Variants in SYDE2 observed in about 807,000 individuals in gnomAD.
SYDE2 encodes the protein rho GTPase-activating protein SYDE2.
In SYDE2, 76 loss-of-function variants were observed where a neutral mutation model predicts 91.5. The observed-to-expected ratio is 0.83, with a 90% CI of 0.69 to 1.01. SYDE2 has a LOEUF of 1.01. SYDE2 is among the 50% of genes least tolerant of loss of function. SYDE2 has a pLI of 0.00. For synonymous variants in SYDE2, 513 were observed against 506.4 expected (o/e 1.01, Z -0.18); for missense variants, 1,364 against 1,367.7 (o/e 1.00, Z 0.04).
At position 85,164,592 on chromosome 1, in the gene SYDE2, G is replaced by A. The variant is rs1557741363; in HGVS notation, c.3019C>T (p.Leu1007Phe). The A allele has an allele frequency of 1.2e-6, 2 of 1,608,322 alleles. No individual in the cohort carries two copies. The highest frequency in any genetic ancestry group is 2.2e-5 in the East Asian group (1 of 44,744). The change falls in exon 6 of 7, where the codon CTT becomes TTT. Residue 1007 changes from leucine to phenylalanine, a missense_variant. Physicochemically the swap from Leu to Phe is conservative, Grantham distance 22 (BLOSUM62 0). Coordinates refer to ENST00000341460, the MANE Select transcript of SYDE2 (RefSeq NM_032184.2). ...TTTTTAAAATCCAAAGCACTTGCAAGTTCTTCTGAATCAGTAAAGACTCTG... is the reference window on the plus strand; with the variant it reads ...TTTTTAAAATCCAAAGCACTTGCAAATTCTTCTGAATCAGTAAAGACTCTG... ...NNRVFTDSEELASALDFKKHI... is the reference protein window; with the variant it reads ...NNRVFTDSEEFASALDFKKHI...
chr1:85,172,392 C>A (rs1570242908), intron 4 of SYDE2, among the ~76,000 whole-genome samples: 2 of 152,036 alleles, frequency 1.3e-5, no homozygotes, highest in East Asian at 1.9e-4. Context: ...CCATTCACAG[C>A]CTTCTAATGA....
At chr1:85,195,156 T>C (rs1165467996) in intron 1 of SYDE2, among the ~76,000 whole-genome samples, 2 of 129,898 alleles carry the variant, frequency 1.5e-5, no homozygotes, top group Non-Finnish European at 3.1e-5. Flanking sequence ...CTAGACTCCA[T>C]CTAAAAAAAA....
At chr1:85,177,586 T>C (rs907683020) in intron 4 of SYDE2, among the ~76,000 whole-genome samples, 4 of 152,140 alleles carry the variant, frequency 2.6e-5, no homozygotes, top group Non-Finnish European at 5.9e-5. Context: ...TTCTTCCTAT[T>C]TCTACTGCTA....
downstream of SYDE2, among the ~76,000 whole-genome samples, chr1:85,154,601 G>A (rs141707273): frequency 3.3e-5 from 5 of 150,376 alleles, no homozygotes; most frequent in African/African-American, 1.2e-4. Context: ...AAAACATGGA[G>A]TCATTTCAAT....
In SYDE2 at chr1:85,190,200, T is replaced by A; in HGVS notation, c.1298A>T (p.Gln433Leu). The change falls in exon 2 of 7, where the codon CAG becomes CTG. Residue 433 changes from glutamine to leucine, a missense_variant. By Grantham distance (113) the Gln-to-Leu change is moderately radical. Coordinates refer to ENST00000341460, the MANE Select transcript of SYDE2 (RefSeq NM_032184.2). ...LCSSEHAGDI[Q>L]TTRSNGMNPI... ...ATTCATTCCATTTGACCGTGTGGTC[T>A]GAATATCACCTGCATGTTCGGAAGA... is the stretch of plus-strand genomic sequence containing the variant. 1 of 1,614,036 alleles carries A rather than the reference T, an allele frequency of 6.2e-7. No individual in the cohort carries two copies. Among genetic ancestry groups the A allele is most frequent in the Non-Finnish European group, 8.5e-7 (1 of 1,179,904 alleles).
At chr1:85,156,876 TA>T (rs1656894423), downstream of SYDE2, 1 of 152,114 alleles carries the variant, frequency 6.6e-6, no homozygotes, top group Non-Finnish European at 1.5e-5. Flanking sequence ...AAGATTATAA[TA>T]TTTTAATAAA....
Position 85,200,850 on chromosome 1 carries a change from C to T in SYDE2, c.147G>A (p.Arg49=). ...YRRACPRDGE[R]GGGGRPRQQV... Reference sequence around the variant, plus strand: ...GCTGCCGAGGGCGTCCGCCGCCTCCCCGCTCCCCGTCCCGGGGGCAGGCTC... The same window carrying T: ...GCTGCCGAGGGCGTCCGCCGCCTCCTCGCTCCCCGTCCCGGGGGCAGGCTC... The change falls in exon 1 of 7, where the codon CGG becomes CGA. Residue 49 remains arginine (R), a synonymous_variant. Coordinates refer to ENST00000341460, the MANE Select transcript of SYDE2 (RefSeq NM_032184.2). 5.1e-6 allele frequency: 7 copies of T among 1,380,736 alleles called. No homozygotes were observed. The highest frequency in any genetic ancestry group is 6.5e-6 in the Non-Finnish European group (7 of 1,076,214). The allele number at this position is 1,380,736 out of a possible 1,614,324, so 85.5% of individuals were successfully genotyped here.
At chr1:85,181,236 C>T (rs186752575) in intron 3 of SYDE2, 1 of 146,712 alleles carries the variant, frequency 6.8e-6, no homozygotes, top group Non-Finnish European at 1.5e-5. Context: ...ACTGTAATGT[C>T]CACCTCCTGG....
intron 5 of SYDE2, among the ~76,000 whole-genome samples, chr1:85,166,612 T>A (rs1248696957): frequency 6.6e-6 from 1 of 151,552 alleles, no homozygotes; most frequent in African/African-American, 2.4e-5. Flanking sequence ...TGTTTGGCTA[T>A]GAAGGGAAGG....
At position 85,200,685 on chromosome 1, in the gene SYDE2, G is replaced by A. The variant is rs531197600; in HGVS notation, c.312C>T (p.Ser104=). The change falls in exon 1 of 7, where the codon AGC becomes AGT. Residue 104 remains serine, a synonymous_variant. Coordinates refer to ENST00000341460, the MANE Select transcript of SYDE2 (RefSeq NM_032184.2). ...GCGCGCCGCACCTGATCCAGCTGTC[G>A]CTCGGCCACCGCTGGAAGGGAGGCG... is the stretch of plus-strand genomic sequence containing the variant. The part of the protein sequence containing the change: ...AKPPPFQRWP[S]DSWIRCGAHR... 5 of 1,537,226 alleles carry A rather than the reference G, an allele frequency of 3.3e-6. No individual in the cohort carries two copies. In the South Asian group the frequency reaches 5.9e-5, roughly 18 times the overall value.
At chr1:85,163,481 A>ATATATATC (rs1657152403) in intron 6 of SYDE2, among the ~76,000 whole-genome samples, 1 of 138,174 alleles carries the variant, frequency 7.2e-6, no homozygotes, top group Non-Finnish European at 1.5e-5. Context: ...ATATATATAT[A>ATATATATC]ACAAAAGAGT....
At chr1:85,177,940 C>T (rs532760840) in intron 4 of SYDE2, among the ~76,000 whole-genome samples, 6 of 152,230 alleles carry the variant, frequency 3.9e-5, no homozygotes, top group Admixed American at 3.3e-4. Flanking sequence ...GGTCTTACTT[C>T]CCTTCATCAT....
At chr1:85,179,975 G>T (rs1034652154) in intron 3 of SYDE2, among the ~76,000 whole-genome samples, 2 of 152,078 alleles carry the variant, frequency 1.3e-5, no homozygotes, top group African/African-American at 4.8e-5. Flanking sequence ...ATCTACTACA[G>T]GTACTTCAAG....
chr1:85,199,734 G>C (rs1258629897), intron 1 of SYDE2, among the ~76,000 whole-genome samples: 1 of 151,508 alleles, frequency 6.6e-6, no homozygotes, highest in Admixed American at 6.6e-5. Flanking sequence ...TTGGGTTTTT[G>C]GTTGTGTGTA....
chr1:85,163,480 T>TATATATATATATATATATATATAA (rs1216698478), intron 6 of SYDE2, among the ~76,000 whole-genome samples: 1 of 134,650 alleles, frequency 7.4e-6, no homozygotes, highest in African/African-American at 3.0e-5. Context: ...TATATATATA[T>TATATATATATATATATATATATAA]AACAAAAGAG....
chr1:85,190,725 G>A lies in SYDE2; in HGVS notation c.773C>T (p.Ser258Leu), dbSNP rs200529691. 152 of 1,610,734 alleles carry A rather than the reference G, an allele frequency of 9.4e-5. No homozygotes were observed. The highest frequency in any genetic ancestry group is 1.2e-4 in the Non-Finnish European group (144 of 1,178,798). ...TDLFENAYGS[S>L]MKGRELEELK... is the part of the protein sequence containing the mutation. Reference sequence around the variant, plus strand: ...CTCTTCAAGTTCTCTTCCCTTCATTGAAGACCCATAGGCATTTTCAAATAA... The same window carrying A: ...CTCTTCAAGTTCTCTTCCCTTCATTAAAGACCCATAGGCATTTTCAAATAA... Residue 258 changes from serine (S) to leucine (L), a missense_variant, in exon 2 of 7, where the codon TCA (serine) becomes TTA (leucine). Transcript: ENST00000341460.
downstream of SYDE2, among the ~76,000 whole-genome samples, chr1:85,155,521 T>G (rs921009042): frequency 6.6e-6 from 1 of 152,078 alleles, no homozygotes; most frequent in African/African-American, 2.4e-5. Context: ...AATTACTTAC[T>G]CCAGGAACCA....
At chr1:85,165,052 T>C (rs1361028097) in intron 5 of SYDE2, among the ~76,000 whole-genome samples, 1 of 152,036 alleles carries the variant, frequency 6.6e-6, no homozygotes, top group Non-Finnish European at 1.5e-5. Flanking sequence ...CTGGCCAACA[T>C]GGTGAAACCT....
chr1:85,175,303 C>T (rs1172974133), intron 4 of SYDE2, among the ~76,000 whole-genome samples: 3 of 152,098 alleles, frequency 2.0e-5, no homozygotes, highest in Admixed American at 1.3e-4. Flanking sequence ...AATTCGAGAC[C>T]ACCCTGGGCA....
Sources: gnomAD v4.1 joint callset for allele counts (sites outside exome capture counted in the v4.1 genomes callset) on GRCh38, gnomAD v4.1.1 for gene constraint, MANE v1.5 for transcripts, NCBI Gene and HGNC (gene_info 2026-07-23, HGNC 2026-07-21) for gene names.